The following SGCZ variants were observed in gnomAD, a reference collection of about 807,000 sequenced individuals.
The protein encoded by SGCZ is sarcoglycan zeta.
A neutral mutation model predicts 41.3 loss-of-function variants in SGCZ; 40 were observed. The observed-to-expected ratio is 0.97, with a 90% CI of 0.75 to 1.26. The LOEUF is 1.26. Ranked by LOEUF, SGCZ falls within the 50% of genes most tolerant of loss-of-function variation. The probability of loss-of-function intolerance (pLI) is 0.00; values close to 1 mark genes in which losing one functional copy is unlikely to be tolerated. For synonymous variants in SGCZ, 206 were observed against 137.5 expected (o/e 1.50, Z -3.49); for missense variants, 552 against 369.8 (o/e 1.49, Z -4.04).
At chr8:14,178,125 TTG>T (rs1378093403) in intron 4 of SGCZ, among the ~76,000 whole-genome samples, 1 of 151,664 alleles carries the variant, frequency 6.6e-6, no homozygotes, top group Admixed American at 6.6e-5. Flanking sequence ...CCCCGGCTAA[TTG>T]TGTTTTTGTG....
chr8:14,425,748 T>C (rs1051904606), intron 2 of SGCZ, among the ~76,000 whole-genome samples: 81 of 152,312 alleles, frequency 5.3e-4, no homozygotes, highest in African/African-American at 1.9e-3. Context: ...TTTAGGTACA[T>C]TTACCATCTC....
chr8:15,025,262 T>C (rs1803413458), intron 1 of SGCZ, among the ~76,000 whole-genome samples: 1 of 152,154 alleles, frequency 6.6e-6, no homozygotes, highest in East Asian at 1.9e-4. Context: ...CTGCTACAAA[T>C]CTCTCTCCAT....
intron 2 of SGCZ, among the ~76,000 whole-genome samples, chr8:14,381,972 G>T (rs934370533): frequency 6.6e-6 from 1 of 152,066 alleles, no homozygotes; most frequent in African/African-American, 2.4e-5. Context: ...TTAGTTCCTT[G>T]TTGGTCAAAT....
intron 2 of SGCZ, among the ~76,000 whole-genome samples, chr8:14,464,789 T>C (rs1801003432): frequency 6.6e-6 from 1 of 151,652 alleles, no homozygotes; most frequent in African/African-American, 2.4e-5. Flanking sequence ...TATATTTCTA[T>C]TTCCATTCAC....
At chr8:15,079,401 A>G (rs953858665) in intron 1 of SGCZ, among the ~76,000 whole-genome samples, 2 of 152,148 alleles carry the variant, frequency 1.3e-5, no homozygotes, top group East Asian at 3.9e-4. Flanking sequence ...GACTTCATAG[A>G]CATTGTTCCA....
At chr8:14,329,453 A>G (rs1482352310) in intron 2 of SGCZ, among the ~76,000 whole-genome samples, 2 of 152,202 alleles carry the variant, frequency 1.3e-5, no homozygotes. Context: ...CATTTAAAAA[A>G]TATCAACTTC....
chr8:14,546,781 T>C (rs1291021589), intron 2 of SGCZ, among the ~76,000 whole-genome samples: 1 of 152,196 alleles, frequency 6.6e-6, no homozygotes, highest in Non-Finnish European at 1.5e-5. Context: ...AACCATTTTT[T>C]GAAGAATATT....
At chr8:14,531,195 T>G (rs1212560097) in intron 2 of SGCZ, among the ~76,000 whole-genome samples, 1 of 151,926 alleles carries the variant, frequency 6.6e-6, no homozygotes, top group African/African-American at 2.4e-5. Context: ...TTTCCAAGCC[T>G]ATTCATAAAC....
intron 3 of SGCZ, among the ~76,000 whole-genome samples, chr8:14,262,010 T>C (rs1160859270): frequency 6.6e-6 from 1 of 152,154 alleles, no homozygotes; most frequent in Admixed American, 6.5e-5. Context: ...CTCTAAGCAA[T>C]TTAAGCACGA....
chr8:14,125,634 A>C (rs139638444), intron 5 of SGCZ, among the ~76,000 whole-genome samples: 1 of 152,204 alleles, frequency 6.6e-6, no homozygotes, highest in Admixed American at 6.5e-5. Flanking sequence ...AATACTTTAA[A>C]ATTCATATGC....
chr8:14,420,658 C>A (rs532302743), intron 2 of SGCZ, among the ~76,000 whole-genome samples: 22 of 152,118 alleles, frequency 1.4e-4, no homozygotes, highest in African/African-American at 4.8e-4. Context: ...TCCTGTTCAG[C>A]AATAGAACTG....
At chr8:14,939,991 C>T (rs564009472) in intron 1 of SGCZ, among the ~76,000 whole-genome samples, 1 of 152,222 alleles carries the variant, frequency 6.6e-6, no homozygotes, top group Admixed American at 6.5e-5. Flanking sequence ...ATTAGCACAG[C>T]AGACAGTCAA....
intron 5 of SGCZ, among the ~76,000 whole-genome samples, chr8:14,154,072 T>C (rs2116958913): frequency 6.6e-6 from 1 of 152,154 alleles, no homozygotes; most frequent in Non-Finnish European, 1.5e-5. Flanking sequence ...TCTAGAATTG[T>C]AAGAGAATAA....
At position 14,645,541 on chromosome 8, in the gene SGCZ, T is replaced by C. The variant is rs953295648; in HGVS notation, c.40-90615A>G. On this transcript the variant is annotated intron_variant, in intron 1 of 7. Coordinates refer to ENST00000382080, the MANE Select transcript of SGCZ (RefSeq NM_139167.4). ...ATAATTATGTTTATTTTAAAAATGC[T>C]GTATATTAGGAACAAATAGACAAAA... Among the ~76,000 whole-genome samples the C allele has an allele frequency of 1.4e-5, 2 of 147,530 alleles. 1 individual carries two copies. The highest frequency in any genetic ancestry group is 4.1e-4 in the East Asian group (2 of 4,910).
chr8:15,087,579 C>A (rs1322329370), intron 1 of SGCZ, among the ~76,000 whole-genome samples: 2 of 152,204 alleles, frequency 1.3e-5, no homozygotes, highest in East Asian at 3.9e-4. Flanking sequence ...ACTGAAGTGT[C>A]ATTGAGAATA....
intron 1 of SGCZ, among the ~76,000 whole-genome samples, chr8:14,635,491 A>T (rs1310410926): frequency 2.6e-5 from 4 of 151,948 alleles, no homozygotes; most frequent in Non-Finnish European, 5.9e-5. Flanking sequence ...TCAGTGCTTT[A>T]CTTTTCATGA....
At chr8:14,119,089 T>C (rs944345584) in intron 5 of SGCZ, among the ~76,000 whole-genome samples, 1 of 152,170 alleles carries the variant, frequency 6.6e-6, no homozygotes, top group African/African-American at 2.4e-5. Context: ...TTTTTTCTAA[T>C]TCTGTGAAGA....
intron 1 of SGCZ, among the ~76,000 whole-genome samples, chr8:15,184,257 A>G (rs1331937858): frequency 6.6e-6 from 1 of 152,212 alleles, no homozygotes; most frequent in Non-Finnish European, 1.5e-5. Context: ...CATAATAATT[A>G]CCTTATGCTT....
At chr8:14,348,155 A>C (rs1585392174) in intron 2 of SGCZ, among the ~76,000 whole-genome samples, 1 of 151,894 alleles carries the variant, frequency 6.6e-6, no homozygotes. Context: ...ATCAATTCAC[A>C]CCCCAGACAA....
Sources: allele counts gnomAD v4.1 joint callset (sites outside exome capture counted in the v4.1 genomes callset), GRCh38; gene constraint gnomAD v4.1.1; transcripts MANE v1.5; gene names NCBI Gene and HGNC (gene_info 2026-07-23, HGNC 2026-07-21).